The following PARD3B variants were observed in gnomAD, a reference collection of about 807,000 sequenced individuals.
PARD3B encodes par-3 family cell polarity regulator beta.
In PARD3B, 103 loss-of-function variants were observed where a neutral mutation model predicts 130.2. That is an observed-to-expected ratio of 0.79 (90% CI 0.67 to 0.93). The LOEUF (loss-of-function observed/expected upper bound fraction) is 0.93. Among genes scored for constraint, PARD3B ranks in the 40% least tolerant of loss-of-function variants. PARD3B has a pLI of 0.00. For synonymous variants in PARD3B, 583 were observed against 553.2 expected, an observed-to-expected ratio of 1.05 and a Z score of -0.76; for missense variants, 1,609 against 1,499.2, an observed-to-expected ratio of 1.07 and a Z score of -1.21.
intron 15 of PARD3B, among the ~76,000 whole-genome samples, chr2:205,224,385 A>AAAAAAAAAAAAG (rs1164513653): frequency 2.7e-5 from 4 of 147,590 alleles, no homozygotes; most frequent in African/African-American, 1.0e-4. Flanking sequence ...AAAAAAAAAA[A>AAAAAAAAAAAAG]AAAGAAAGAA....
At chr2:204,938,574 T>A (rs1437728978) in intron 2 of PARD3B, among the ~76,000 whole-genome samples, 1 of 152,226 alleles carries the variant, frequency 6.6e-6, no homozygotes, top group African/African-American at 2.4e-5. Flanking sequence ...AATTCTATAT[T>A]TGTACATTTA....
At chr2:205,614,944 C>T (rs1479261551) in intron 22 of PARD3B, among the ~76,000 whole-genome samples, 16 of 152,112 alleles carry the variant, frequency 1.1e-4, no homozygotes, top group Admixed American at 1.0e-3. Context: ...TTTCTATCAC[C>T]ATGCCTAGGA....
rs1267161170 is a variant in PARD3B at position 205,292,963 on chromosome 2, G to A, written c.2186-7567G>A. 6.6e-6 allele frequency among the ~76,000 whole-genome samples: 1 copy of A among 152,084 alleles called. No homozygotes were observed. Among genetic ancestry groups the A allele is most frequent in the African/African-American group, 2.4e-5 (1 of 41,400 alleles). On this transcript the variant is annotated intron_variant, in intron 16 of 22. Transcript: ENST00000406610. The surrounding 1 kb of genome is among the most constrained non-coding windows in gnomAD (Gnocchi z 5.3). ...ACATTAGATTGAAACCTTGCTTAAA[G>A]TGTATTTATAAAGAAATTGTTATTC...
At chr2:204,791,185 T>G (rs2042190022) in intron 2 of PARD3B, among the ~76,000 whole-genome samples, 2 of 152,160 alleles carry the variant, frequency 1.3e-5, no homozygotes, top group African/African-American at 4.8e-5. Flanking sequence ...CTTTAGTCAT[T>G]TGGTGGTTGT....
intron 21 of PARD3B, among the ~76,000 whole-genome samples, chr2:205,523,787 C>CTTTA (rs995501904): frequency 1.8e-5 from 2 of 111,506 alleles, no homozygotes; most frequent in African/African-American, 6.7e-5. Flanking sequence ...TTGCTCAGTT[C>CTTTA]TTTATTTTGA....
intron 18 of PARD3B, among the ~76,000 whole-genome samples, chr2:205,381,208 T>G (rs1456271662): frequency 2.5e-5 from 3 of 122,394 alleles, no homozygotes; most frequent in African/African-American, 6.7e-5. Flanking sequence ...ATATAATATA[T>G]AAAGAATATA....
At position 205,019,267 on chromosome 2, in the gene PARD3B, C is replaced by T. The variant is rs146526937; in HGVS notation, c.395-28314C>T. On this transcript the variant is annotated intron_variant, in intron 3 of 22. Coordinates refer to ENST00000406610, the MANE Select transcript of PARD3B (RefSeq NM_001302769.2). ...GTGGTGTGTTGTGACTGCCTTTTCC[C>T]GCCTAGCATGTTTTCAAGGTTCATC... 3.8e-3 allele frequency among the ~76,000 whole-genome samples: 585 copies of T among 152,222 alleles called. 1 individual carries two copies. Among genetic ancestry groups the T allele is most frequent in the Non-Finnish European group, 6.6e-3 (446 of 68,004 alleles).
intron 18 of PARD3B, among the ~76,000 whole-genome samples, chr2:205,346,207 A>AT (rs757848440): frequency 2.0e-5 from 3 of 148,084 alleles, no homozygotes; most frequent in African/African-American, 7.7e-5. Context: ...AAATAAATAA[A>AT]TAAATAAATA....
At chr2:205,023,544 G>T (rs1015380749) in intron 3 of PARD3B, among the ~76,000 whole-genome samples, 1 of 30,916 alleles carries the variant, frequency 3.2e-5, no homozygotes. Context: ...CCCACCCCCC[G>T]CCAAATCCCC....
intron 1 of PARD3B, among the ~76,000 whole-genome samples, chr2:204,582,511 C>CT (rs1553545659): frequency 2.0e-5 from 3 of 152,076 alleles, no homozygotes; most frequent in South Asian, 4.2e-4. Flanking sequence ...GTTCCCCCCC[C>CT]TCATTTCACA....
At position 205,480,049 on chromosome 2, in the gene PARD3B, C is replaced by T. The variant is rs980293044; in HGVS notation, c.3045-19847C>T. Among the ~76,000 whole-genome samples the T allele has an allele frequency of 3.3e-5, 5 of 151,928 alleles. 1 individual carries two copies. The highest frequency in any genetic ancestry group is 2.6e-4 in the Admixed American group (4 of 15,250). Reference sequence around the variant, plus strand: ...TCCTGAGTAGCTGGGATTATAGGTGCCCTCCACCATGCCCAGCTAATTTTT... The same window carrying T: ...TCCTGAGTAGCTGGGATTATAGGTGTCCTCCACCATGCCCAGCTAATTTTT... On this transcript the variant is annotated intron_variant, in intron 20 of 22. Transcript: ENST00000406610.
chr2:205,004,511 C>T (rs1695097694), intron 3 of PARD3B, among the ~76,000 whole-genome samples: 1 of 152,068 alleles, frequency 6.6e-6, no homozygotes. Context: ...TTGCACTGGG[C>T]TTTGTAATGA....
intron 2 of PARD3B, among the ~76,000 whole-genome samples, chr2:204,827,817 C>T (rs891184819): frequency 2.0e-5 from 3 of 152,218 alleles, no homozygotes; most frequent in African/African-American, 7.2e-5. Context: ...GTGCTATCTT[C>T]GTTCCCTGGA....
chr2:204,810,083 G>A, intron 2 of PARD3B, among the ~76,000 whole-genome samples: 1 of 133,176 alleles, frequency 7.5e-6, no homozygotes, highest in East Asian at 2.1e-4. Context: ...TTTTAACATT[G>A]ATTTTTTTTT....
intron 2 of PARD3B, among the ~76,000 whole-genome samples, chr2:204,704,117 C>A (rs1184496479): frequency 6.6e-6 from 1 of 152,140 alleles, no homozygotes; most frequent in Non-Finnish European, 1.5e-5. Context: ...CCATCTTCAT[C>A]ATTTCTAAGT....
At chr2:204,757,880 G>A (rs2040745912) in intron 2 of PARD3B, among the ~76,000 whole-genome samples, 1 of 152,118 alleles carries the variant, frequency 6.6e-6, no homozygotes, top group African/African-American at 2.4e-5. Flanking sequence ...TCAGAGTTGG[G>A]CATATAAAAC....
At chr2:205,124,282 C>A in intron 8 of PARD3B, 45 bp from the exon 9 acceptor site, 1 of 1,403,002 alleles carries the variant, frequency 7.1e-7, no homozygotes, top group Non-Finnish European at 9.5e-7. Context: ...TATAATATTA[C>A]TCATGCTTAA....
At chr2:205,413,496 T>C in intron 19 of PARD3B, among the ~76,000 whole-genome samples, 1 of 152,186 alleles carries the variant, frequency 6.6e-6, no homozygotes, top group East Asian at 1.9e-4. Context: ...ACCGTACTGA[T>C]TTTAATTTTA....
intron 2 of PARD3B, among the ~76,000 whole-genome samples, chr2:204,885,765 A>C (rs1351098091): frequency 6.6e-6 from 1 of 152,228 alleles, no homozygotes; most frequent in African/African-American, 2.4e-5. Context: ...CTATATGTCC[A>C]GTTTCAAAGT....
Sources: allele counts gnomAD v4.1 joint callset (sites outside exome capture counted in the v4.1 genomes callset), GRCh38; gene constraint gnomAD v4.1.1; non-coding constraint Gnocchi (gnomAD v3.1); transcripts MANE v1.5; gene names NCBI Gene and HGNC (gene_info 2026-07-23, HGNC 2026-07-21).